SATL1: variants seen among roughly 807,000 people sequenced by gnomAD.
SATL1 encodes spermidine/spermine N1-acetyl transferase like 1.
In SATL1, 47 loss-of-function variants were observed where a neutral mutation model predicts 51.8. That is an observed-to-expected ratio of 0.91 (90% CI 0.72 to 1.16). The LOEUF (loss-of-function observed/expected upper bound fraction) is 1.16, where lower values mean the gene tolerates loss of function less well. Ranked by LOEUF, SATL1 falls within the 50% of genes most tolerant of loss-of-function variation. The probability of loss-of-function intolerance (pLI) is 0.00; values close to 1 mark genes in which losing one functional copy is unlikely to be tolerated. For synonymous variants in SATL1, 176 were observed against 182.4 expected (o/e 0.97, Z 0.28); for missense variants, 520 against 526.4 (o/e 0.99, Z 0.12).
At chrX:85,103,981 T>C in intron 3 of SATL1, 66 bp from the exon 4 acceptor site, 7 of 829,850 alleles carry the variant, frequency 8.4e-6, no homozygotes, top group Non-Finnish European at 1.2e-5. Flanking sequence ...ATAATCATCA[T>C]AAAATTTGTA....
At chrX:85,102,396 C>T (rs1422107497) in intron 4 of SATL1, among the ~76,000 whole-genome samples, 2 of 111,329 alleles carry the variant, frequency 1.8e-5, no homozygotes, top group Non-Finnish European at 3.8e-5. Flanking sequence ...GGTTGCACAA[C>T]AATGGATGTA....
At chrX:85,150,800 T>C (rs912305624) in intron 2 of SATL1, among the ~76,000 whole-genome samples, 8 of 108,976 alleles carry the variant, frequency 7.3e-5, no homozygotes, top group African/African-American at 2.0e-4. Flanking sequence ...AAATTAGGTA[T>C]TGATGGGACG....
chrX:85,200,706 G>A (rs1296048872), intron 2 of SATL1, among the ~76,000 whole-genome samples: 2 of 111,356 alleles, frequency 1.8e-5, no homozygotes, highest in Non-Finnish European at 3.8e-5. Context: ...GGTGATACAT[G>A]TATAGTAATT....
chrX:85,240,728 A>G (rs1242831766), intron 1 of SATL1, among the ~76,000 whole-genome samples: 1 of 110,586 alleles, frequency 9.0e-6, no homozygotes, highest in Non-Finnish European at 1.9e-5. Flanking sequence ...ATTTTTATAT[A>G]GTCAATGTGT....
At chrX:85,198,438 A>G (rs1432997008) in intron 2 of SATL1, among the ~76,000 whole-genome samples, 1 of 111,635 alleles carries the variant, frequency 9.0e-6, no homozygotes. Flanking sequence ...ACTAATTTAC[A>G]TTCCCACTAA....
At chrX:85,148,816 C>T (rs1342208205) in intron 2 of SATL1, among the ~76,000 whole-genome samples, 1 of 111,197 alleles carries the variant, frequency 9.0e-6, no homozygotes, top group Non-Finnish European at 1.9e-5. Context: ...CTGAAGGAAG[C>T]ACTAAACATG....
chrX:85,153,141 C>T (rs193045656), intron 2 of SATL1, among the ~76,000 whole-genome samples: 275 of 110,574 alleles, frequency 2.5e-3, no homozygotes, highest in African/African-American at 8.1e-3. Flanking sequence ...TCATTTATTT[C>T]TATAAAATAT....
intron 2 of SATL1, among the ~76,000 whole-genome samples, chrX:85,214,627 A>G (rs1376966029): frequency 8.9e-6 from 1 of 111,835 alleles, no homozygotes; most frequent in East Asian, 2.8e-4. Flanking sequence ...TCAAAGTCCT[A>G]TCTGAGACTC....
chrX:85,214,598 C>T (rs1366630931), intron 2 of SATL1, among the ~76,000 whole-genome samples: 3 of 111,671 alleles, frequency 2.7e-5, no homozygotes, highest in Non-Finnish European at 3.8e-5. Context: ...GTTCCAGCAT[C>T]GACTCAGAAA....
At chrX:85,099,025 A>T (rs1209058542) in intron 4 of SATL1, among the ~76,000 whole-genome samples, 3 of 111,772 alleles carry the variant, frequency 2.7e-5, no homozygotes, top group African/African-American at 9.7e-5. Flanking sequence ...AGATCAACAA[A>T]ATTGACAGCT....
intron 2 of SATL1, among the ~76,000 whole-genome samples, chrX:85,145,215 G>A (rs1483865689): frequency 1.8e-5 from 2 of 111,218 alleles, no homozygotes; most frequent in Non-Finnish European, 3.8e-5. Flanking sequence ...GGCATAAACT[G>A]GAAATGTCCT....
chrX:85,190,386 C>T (rs1489774176), intron 2 of SATL1, among the ~76,000 whole-genome samples: 1 of 111,732 alleles, frequency 8.9e-6, no homozygotes, highest in Non-Finnish European at 1.9e-5. Context: ...TGGCATCTAA[C>T]TCAGCTAGAT....
intron 2 of SATL1, among the ~76,000 whole-genome samples, chrX:85,220,050 C>T (rs1221572850): frequency 1.8e-5 from 2 of 109,723 alleles, no homozygotes; most frequent in Admixed American, 1.9e-4. Context: ...CTACCTCTCC[C>T]CAACTCCCCA....
At chrX:85,218,001 A>C (rs961743848) in intron 2 of SATL1, among the ~76,000 whole-genome samples, 4 of 111,776 alleles carry the variant, frequency 3.6e-5, no homozygotes, top group Non-Finnish European at 7.5e-5. Flanking sequence ...ATCCTAAGCA[A>C]ACTAATGCAG....
At chrX:85,149,667 A>G (rs1926366764) in intron 2 of SATL1, among the ~76,000 whole-genome samples, 1 of 111,770 alleles carries the variant, frequency 8.9e-6, no homozygotes, top group Non-Finnish European at 1.9e-5. Context: ...AACTCACTCA[A>G]AACCACTCAA....
At chrX:85,187,206 TA>T (rs1291672272) in intron 2 of SATL1, among the ~76,000 whole-genome samples, 2 of 112,310 alleles carry the variant, frequency 1.8e-5, no homozygotes, top group African/African-American at 6.5e-5. Flanking sequence ...CTTTACTGTA[TA>T]ATTTTACTCA....
At chrX:85,122,444 A>G (rs1293270891) in intron 2 of SATL1, among the ~76,000 whole-genome samples, 2 of 111,216 alleles carry the variant, frequency 1.8e-5, no homozygotes, top group African/African-American at 3.3e-5. Flanking sequence ...CTGAAGTTTA[A>G]GAATCACATT....
chrX:85,154,442 C>G (rs1312496669), intron 2 of SATL1, among the ~76,000 whole-genome samples: 1 of 112,150 alleles, frequency 8.9e-6, no homozygotes, highest in Non-Finnish European at 1.9e-5. Context: ...ATAATCAGAT[C>G]TACCCACCTC....
chrX:85,138,785 G>A (rs188067524), intron 2 of SATL1, among the ~76,000 whole-genome samples: 4 of 111,022 alleles, frequency 3.6e-5, no homozygotes, highest in African/African-American at 1.3e-4. Context: ...GCTGAAGGAA[G>A]ATATGGGGCA....
Sources: gnomAD v4.1 joint callset for allele counts (sites outside exome capture counted in the v4.1 genomes callset) on GRCh38, gnomAD v4.1.1 for gene constraint, MANE v1.5 for transcripts, NCBI Gene and HGNC (gene_info 2026-07-23, HGNC 2026-07-21) for gene names.